The following CLCNKB variants were observed in gnomAD, a reference collection of about 807,000 sequenced individuals.
CLCNKB encodes the protein chloride voltage-gated channel Kb.
A neutral mutation model predicts 83.8 loss-of-function variants in CLCNKB; 74 were observed. The ratio of observed to expected loss-of-function variants is 0.88; its 90% CI spans 0.73 to 1.07. The LOEUF (loss-of-function observed/expected upper bound fraction) is 1.07. Ranked by LOEUF, CLCNKB falls within the 50% of genes least tolerant of loss-of-function variation. CLCNKB has a pLI of 0.00. For missense variants in CLCNKB, 798 were observed against 893.6 expected (o/e 0.89, Z 1.36); for synonymous variants, 358 against 356.6 (o/e 1.00, Z -0.04).
intron 7 of CLCNKB, chr1:16,048,874 G>A (rs1469922443): frequency 2.1e-5 from 31 of 1,441,902 alleles, no homozygotes; most frequent in Non-Finnish European, 2.8e-5. Context: ...CTACAAAATG[G>A]AGATCGCAAC....
At chr1:16,056,336 T>G in intron 18 of CLCNKB, 86 bp from the exon 19 acceptor site, 1 of 1,362,218 alleles carries the variant, frequency 7.3e-7, no homozygotes, top group South Asian at 1.2e-5. Context: ...CCGCCCCTCT[T>G]CCTGGCTCAG....
Position 16,052,250 on chromosome 1 carries a change from G to C in CLCNKB, c.1461G>C (p.Leu487=). Residue 487 remains leucine (L), a synonymous_variant, in exon 15 of 20, where the codon CTG becomes CTC. Coordinates refer to ENST00000375679, the MANE Select transcript of CLCNKB (RefSeq NM_000085.5). Reference sequence around the variant, plus strand: ...CCCACACCATCTCCACGGCGCTGCTGGCCTTCGAGGTGACCGGCCAGATAG... The same window carrying C: ...CCCACACCATCTCCACGGCGCTGCTCGCCTTCGAGGTGACCGGCCAGATAG... ...AVTHTISTAL[L]AFEVTGQIVH... 6.2e-7 allele frequency: 1 copy of C among 1,613,326 alleles called. No individual in the cohort carries two copies. The highest frequency in any genetic ancestry group is 8.5e-7 in the Non-Finnish European group (1 of 1,180,044).
chr1:16,048,228 G>A (rs2023161334), intron 5 of CLCNKB, 115 bp from the exon 6 acceptor site: 4 of 1,474,880 alleles, frequency 2.7e-6, no homozygotes, highest in Non-Finnish European at 3.7e-6. Flanking sequence ...TCTGAGGACG[G>A]CCGTGGGGGC....
rs12691552 is a variant in CLCNKB at position 16,055,227 on chromosome 1, C to T, written c.1757-208C>T. Among the ~76,000 whole-genome samples, 61,663 of 151,980 alleles carry T rather than the reference C, an allele frequency of 0.41. 13,718 individuals carry two copies. Among genetic ancestry groups the T allele is most frequent in the East Asian group, 0.8 (4,149 of 5,160 alleles). ...CCTGGCAGCCTCACTCAGCCATCCT[C>T]AGCTACCACACCTGAATGACCTTGG... On this transcript the variant is annotated intron_variant, in intron 16 of 19. Coordinates refer to ENST00000375679, the MANE Select transcript of CLCNKB (RefSeq NM_000085.5).
chr1:16,048,294 C>A (rs771631687), intron 5 of CLCNKB, 49 bp from the exon 6 acceptor site: 3 of 1,604,356 alleles, frequency 1.9e-6, no homozygotes, highest in Admixed American at 3.3e-5. Flanking sequence ...TGGGTGAGAC[C>A]GTCTCTGCTG....
chr1:16,055,779 G>A (rs1400053138), intron 18 of CLCNKB, 21 bp downstream of exon 18: 3 of 1,608,954 alleles, frequency 1.9e-6, no homozygotes, highest in East Asian at 2.2e-5. Flanking sequence ...GAACTGGGGA[G>A]TGTGACACAT....
chr1:16,050,674 A>G lies in CLCNKB; in HGVS notation c.1053+74A>G, dbSNP rs535357685. 4.6e-6 allele frequency: 7 copies of G among 1,523,650 alleles called. No individual in the cohort carries two copies. In the East Asian group the frequency reaches 1.6e-4, roughly 34 times the overall value. 94.4% of individuals were successfully genotyped at this position (1,523,650 alleles called of 1,614,324 possible). ...GCCTCCTTTGCGTGTATCTCACTTA[A>G]TCCCCCCAATACCCCATAAGGGAGA... On this transcript the variant is annotated intron_variant, in intron 11 of 19. Transcript: ENST00000375679.
rs532989748 is a variant in CLCNKB at position 16,048,402 on chromosome 1, G to A, written c.558G>A (p.Thr186=). Residue 186 remains threonine, a synonymous_variant, in exon 6 of 20, where the codon ACG becomes ACA. Coordinates refer to ENST00000375679, the MANE Select transcript of CLCNKB (RefSeq NM_000085.5). Reference sequence around the variant, plus strand: ...CCTACCTGGGCCGTGTGCGCACCACGACCATCGGGGAGCCTGAGGTTAGGG... The same window carrying A: ...CCTACCTGGGCCGTGTGCGCACCACAACCATCGGGGAGCCTGAGGTTAGGG... The part of the protein sequence containing the change: ...MAAYLGRVRT[T]TIGEPENKSK... 1.2e-6 allele frequency: 2 copies of A among 1,614,020 alleles called. No homozygotes were observed. The highest frequency in any genetic ancestry group is 2.2e-5 in the East Asian group (1 of 44,868).
chr1:16,045,732 GCT>G (rs2023081500), intron 3 of CLCNKB, 46 bp downstream of exon 3: 4 of 1,536,926 alleles, frequency 2.6e-6, no homozygotes, highest in African/African-American at 1.4e-5. Flanking sequence ...GGGATTCTGA[GCT>G]CTCTCTGGGG....
Position 16,057,093 on chromosome 1 carries a change from G to C in CLCNKB, c.*177G>C, listed in dbSNP as rs549739297. On this transcript the variant is annotated 3_prime_UTR_variant, in exon 20 of 20. Transcript: ENST00000375679. ...GAGGATGGCTCATCCTGGGTGGGAC[G>C]ATGGCTCCTGCCTTGAAAGACAAAA... The C allele has an allele frequency of 2.8e-6, 2 of 711,570 alleles. No individual in the cohort carries two copies. The highest frequency in any genetic ancestry group is 5.2e-6 in the Non-Finnish European group (2 of 387,766). The allele number at this position is 711,570 out of a possible 1,614,324, so 44.1% of individuals were successfully genotyped here.
At chr1:16,051,369 G>T in intron 12 of CLCNKB, 109 bp from the exon 13 acceptor site, 2 of 1,382,468 alleles carry the variant, frequency 1.4e-6, no homozygotes, top group East Asian at 2.3e-5. Context: ...GTGCATGGCC[G>T]GCACCCTCTT....
At chr1:16,044,925 G>A (rs1200908999) in intron 2 of CLCNKB, among the ~76,000 whole-genome samples, 1 of 152,232 alleles carries the variant, frequency 6.6e-6, no homozygotes, top group Admixed American at 6.5e-5. Flanking sequence ...TGGGGCCACA[G>A]CAAGGGGCTG....
rs10927894 is a variant in CLCNKB, at chr1:16,050,321, C to G, written c.969-195C>G. 0.22 allele frequency among the ~76,000 whole-genome samples: 34,071 copies of G among 152,162 alleles called. 4,190 individuals carry two copies. The highest frequency in any genetic ancestry group is 0.31 in the Admixed American group (4,778 of 15,286). ...CCCAGCCTGCCTGTGCCCCAATTCT[C>G]CTATCAGCCTCTACCCCTAAAAATA... On this transcript the variant is annotated intron_variant, in intron 10 of 19. Transcript: ENST00000375679.
chr1:16,055,456 T>C lies in CLCNKB; in HGVS notation c.1778T>C (p.Ile593Thr), dbSNP rs375808689. The C allele has an allele frequency of 1.9e-6, 3 of 1,613,356 alleles. No individual in the cohort carries two copies. The highest frequency in any genetic ancestry group is 2.2e-5 in the East Asian group (1 of 44,848). The change falls in exon 17 of 20, where the codon ATA (isoleucine) becomes ACA (threonine). Residue 593 changes from isoleucine to threonine, a missense_variant. By Grantham distance (89) the Ile-to-Thr change is moderately conservative. Coordinates refer to ENST00000375679, the MANE Select transcript of CLCNKB (RefSeq NM_000085.5). ...CCAGAGTCCCAGATCCTGGTGGGCA[T>C]AGTGCGAAGGGCCCAGCTGGTGCAG... ...ESTESQILVG[I>T]VRRAQLVQAL... is the part of the protein sequence containing the mutation.
rs772885597 is a variant in CLCNKB at position 16,050,516 on chromosome 1, C to A, written c.969C>A (p.Ser323Arg). Residue 323 changes from serine (S) to arginine (R), a missense_variant and splice_region_variant, in exon 11 of 20, where the codon AGC becomes AGA. Ser to Arg is a moderately radical substitution (Grantham distance 110, BLOSUM62 -1). Transcript: ENST00000375679. Reference sequence around the variant, plus strand: ...CCTAGAGCCCACCCATCCCCCACAGCAAGCCTGTGTACTCCGCTCTGGCCA... The same window carrying A: ...CCTAGAGCCCACCCATCCCCCACAGAAAGCCTGTGTACTCCGCTCTGGCCA... The part of the protein sequence containing the change: ...NRFSSKLLAT[S>R]KPVYSALATL... The A allele has an allele frequency of 6.2e-7, 1 of 1,614,068 alleles. No individual in the cohort carries two copies. Among genetic ancestry groups the A allele is most frequent in the East Asian group, 2.2e-5 (1 of 44,868 alleles).
chr1:16,056,382 A>ATG (rs2023440804), intron 18 of CLCNKB, 40 bp from the exon 19 acceptor site: 1 of 1,600,250 alleles, frequency 6.2e-7, no homozygotes, highest in Non-Finnish European at 8.6e-7. Flanking sequence ...TGGGCTGGGC[A>ATG]CCTTCTACCC....
intron 12 of CLCNKB, 83 bp from the exon 13 acceptor site, chr1:16,051,395 C>A (rs757234266): frequency 8.6e-6 from 13 of 1,506,330 alleles, no homozygotes; most frequent in African/African-American, 1.4e-5. Flanking sequence ...CTAGGACACT[C>A]CCCTGTCCCA....
Position 16,047,834 on chromosome 1 carries a change from C to T in CLCNKB, c.359-71C>T, listed in dbSNP as rs547853048. On this transcript the variant is annotated intron_variant, in intron 4 of 19. Coordinates refer to ENST00000375679, the MANE Select transcript of CLCNKB (RefSeq NM_000085.5). ...TGGCGAGATCGTAATGTGAAAACATCACACAGGTAGAGTGTTGAGATTTTT... is the reference window on the plus strand; with the variant it reads ...TGGCGAGATCGTAATGTGAAAACATTACACAGGTAGAGTGTTGAGATTTTT... The T allele has an allele frequency of 8.4e-5, 127 of 1,512,202 alleles. No homozygotes were observed. The African/African-American group carries it at 1.1e-3, about 14-fold the overall frequency. The allele number at this position is 1,512,202 out of a possible 1,614,324, so 93.7% of individuals were successfully genotyped here. A position where few individuals can be genotyped will look rare whatever the true frequency, so the allele number is the denominator to read the frequency against.
In CLCNKB at chr1:16,048,378, C is replaced by T. The variant is rs1390263196; in HGVS notation, c.534C>T (p.Ala178=). 1.2e-6 allele frequency: 2 copies of T among 1,613,952 alleles called. No homozygotes were observed. The highest frequency in any genetic ancestry group is 1.7e-6 in the Non-Finnish European group (2 of 1,180,024). ...TGCACCTGTCTGTGATGATGGCTGC[C>T]TACCTGGGCCGTGTGCGCACCACGA... ...PFVHLSVMMA[A]YLGRVRTTTI... is the part of the protein sequence containing the mutation. Residue 178 remains alanine, a synonymous_variant, in exon 6 of 20, where the codon GCC becomes GCT. Transcript: ENST00000375679.
Sources: gnomAD v4.1 joint callset for allele counts (sites outside exome capture counted in the v4.1 genomes callset) on GRCh38, gnomAD v4.1.1 for gene constraint, MANE v1.5 for transcripts, NCBI Gene and HGNC (gene_info 2026-07-23, HGNC 2026-07-21) for gene names.